ZMAT5: variants seen among roughly 807,000 people sequenced by gnomAD.
The protein encoded by ZMAT5 is zinc finger matrin-type protein 5.
In ZMAT5, 23 loss-of-function variants were observed where a neutral mutation model predicts 28.0. That is an observed-to-expected ratio of 0.82 (90% CI 0.59 to 1.16). The LOEUF (loss-of-function observed/expected upper bound fraction) is 1.16. Ranked by LOEUF, ZMAT5 falls within the 50% of genes most tolerant of loss-of-function variation. The pLI is 0.00. For missense variants in ZMAT5, 173 were observed against 212.7 expected, an observed-to-expected ratio of 0.81 and a Z score of 1.16; for synonymous variants, 76 against 84.1, an observed-to-expected ratio of 0.90 and a Z score of 0.52.
chr22:29,745,997 G>T (rs550009395), intron 2 of ZMAT5, among the ~76,000 whole-genome samples: 2 of 152,158 alleles, frequency 1.3e-5, no homozygotes, highest in East Asian at 3.9e-4. Context: ...TTTTGAGACA[G>T]GGTCCCGCTC....
chr22:29,755,176 TC>T (rs1296953921), intron 1 of ZMAT5, among the ~76,000 whole-genome samples: 1 of 151,638 alleles, frequency 6.6e-6, no homozygotes, highest in Non-Finnish European at 1.5e-5. Context: ...ACGCCTATAA[TC>T]CCAGCTGCTC....
intron 1 of ZMAT5, among the ~76,000 whole-genome samples, chr22:29,749,402 T>C (rs2061107626): frequency 6.6e-6 from 1 of 152,018 alleles, no homozygotes; most frequent in Non-Finnish European, 1.5e-5. Flanking sequence ...CACATTTGCA[T>C]CATATAGGCC....
rs1312036165 is a variant in ZMAT5 at position 29,742,474 on chromosome 22, G to A, written c.134C>T (p.Ala45Val). Residue 45 changes from alanine (A) to valine (V), a missense_variant, in exon 3 of 6, where the codon GCT becomes GTT. By Grantham distance (64) the Ala-to-Val change is moderately conservative. Transcript: ENST00000344318. The part of the protein sequence containing the change: ...KVWYDMFRDA[A>V]AILLDEQNKR... ...GTTCTGCTCATCCAGCAAGATGGCA[G>A]CTGCATCTGCGAGAGAAGAGAGGGA... 5 of 1,612,690 alleles carry A rather than the reference G, an allele frequency of 3.1e-6. No homozygotes were observed. The highest frequency in any genetic ancestry group is 4.2e-6 in the Non-Finnish European group (5 of 1,179,894).
chr22:29,738,870 G>A (rs1460653285), intron 4 of ZMAT5, among the ~76,000 whole-genome samples: 1 of 152,210 alleles, frequency 6.6e-6, no homozygotes, highest in Non-Finnish European at 1.5e-5. Flanking sequence ...AATTAGCCAT[G>A]TGTGGTGGTG....
In ZMAT5 at chr22:29,738,371, C is replaced by T. The variant is rs1230291113; in HGVS notation, c.342G>A (p.Leu114=). 2 of 1,609,854 alleles carry T rather than the reference C, an allele frequency of 1.2e-6. No individual in the cohort carries two copies. The highest frequency in any genetic ancestry group is 8.5e-7 in the Non-Finnish European group (1 of 1,179,648). Reference sequence around the variant, plus strand: ...AGCTCAGCCGCTTGGCTCTCTTCTCCAGCCAGTCCTCCAGATGGCCCTCGG... The same window carrying T: ...AGCTCAGCCGCTTGGCTCTCTTCTCTAGCCAGTCCTCCAGATGGCCCTCGG... The part of the protein sequence containing the change: ...ELPEGHLEDW[L]EKRAKRLSSA... Residue 114 remains leucine (L), a synonymous_variant, in exon 5 of 6, where the codon CTG becomes CTA. Transcript: ENST00000344318.
chr22:29,733,304 C>A (rs1317443865), intron 5 of ZMAT5, among the ~76,000 whole-genome samples: 1 of 152,192 alleles, frequency 6.6e-6, no homozygotes, highest in Non-Finnish European at 1.5e-5. Context: ...AGGGCTTGGG[C>A]CTGCGGAGAG....
intron 1 of ZMAT5, among the ~76,000 whole-genome samples, chr22:29,763,215 C>A (rs984895218): frequency 3.3e-5 from 5 of 151,718 alleles, no homozygotes; most frequent in African/African-American, 9.7e-5. Flanking sequence ...ATCACTTGAA[C>A]CCAGGAGGCA....
In ZMAT5 at chr22:29,740,852, C is replaced by A. The variant is rs867998408; in HGVS notation, c.191-122G>T. The A allele has an allele frequency of 3.3e-5, 27 of 830,532 alleles. No individual in the cohort carries two copies. The East Asian group carries it at 7.0e-4, about 21-fold the overall frequency. The allele number at this position is 830,532 out of a possible 1,614,324, so 51.4% of individuals were successfully genotyped here. On this transcript the variant is annotated intron_variant, in intron 3 of 5. Transcript: ENST00000344318. ...GACTTCAGGGCCTAAAGAATAGCAACCCTGATCCGGGACAGAAAATGGAAT... is the reference window on the plus strand; with the variant it reads ...GACTTCAGGGCCTAAAGAATAGCAAACCTGATCCGGGACAGAAAATGGAAT...
chr22:29,744,508 G>A (rs1350767419), intron 2 of ZMAT5, among the ~76,000 whole-genome samples: 2 of 151,936 alleles, frequency 1.3e-5, no homozygotes, highest in African/African-American at 2.4e-5. Context: ...TACCCAGCTG[G>A]TGCTACAGAC....
chr22:29,750,179 A>G (rs112629375), intron 1 of ZMAT5, among the ~76,000 whole-genome samples: 2,017 of 152,300 alleles, frequency 0.013, 45 homozygotes, highest in African/African-American at 0.044. Flanking sequence ...AAATGTATCA[A>G]TTCTCATTTT....
intron 2 of ZMAT5, among the ~76,000 whole-genome samples, chr22:29,743,397 T>G (rs1206771163): frequency 6.6e-6 from 1 of 152,090 alleles, no homozygotes; most frequent in Non-Finnish European, 1.5e-5. Context: ...ACTCTGATCC[T>G]AATCTTAACC....
intron 1 of ZMAT5, among the ~76,000 whole-genome samples, chr22:29,756,150 C>T (rs1171044128): frequency 6.6e-6 from 1 of 152,216 alleles, no homozygotes; most frequent in Non-Finnish European, 1.5e-5. Context: ...CCCTGAAGCT[C>T]ACCTGTTATT....
At chr22:29,733,469 C>T (rs2067873298) in intron 5 of ZMAT5, among the ~76,000 whole-genome samples, 1 of 152,238 alleles carries the variant, frequency 6.6e-6, no homozygotes, top group Non-Finnish European at 1.5e-5. Context: ...GGTGCAGCCT[C>T]CAGGACCCCC....
intron 5 of ZMAT5, among the ~76,000 whole-genome samples, chr22:29,737,646 A>G (rs904247900): frequency 3.5e-4 from 54 of 152,188 alleles, no homozygotes; most frequent in Non-Finnish European, 6.3e-4. Context: ...CAACTGCTGG[A>G]GGAAGAGCCC....
At chr22:29,753,483 C>T (rs1373073305) in intron 1 of ZMAT5, among the ~76,000 whole-genome samples, 3 of 152,062 alleles carry the variant, frequency 2.0e-5, no homozygotes, top group African/African-American at 7.2e-5. Context: ...AGAGATCGCA[C>T]CACTGCACCC....
intron 3 of ZMAT5, among the ~76,000 whole-genome samples, chr22:29,741,552 A>G (rs1018665515): frequency 6.6e-6 from 1 of 152,232 alleles, no homozygotes; most frequent in African/African-American, 2.4e-5. Context: ...CTCAAGGGCA[A>G]GCATGGAGGA....
At chr22:29,756,826 T>C (rs953829800) in intron 1 of ZMAT5, among the ~76,000 whole-genome samples, 1 of 152,064 alleles carries the variant, frequency 6.6e-6, no homozygotes, top group Admixed American at 6.6e-5. Context: ...CGCAGGTGGA[T>C]CACCTGAGGT....
At chr22:29,754,688 T>C (rs968839959) in intron 1 of ZMAT5, among the ~76,000 whole-genome samples, 1 of 151,824 alleles carries the variant, frequency 6.6e-6, no homozygotes, top group African/African-American at 2.4e-5. Context: ...CTGGACAACA[T>C]GGGCAGACCC....
chr22:29,746,807 G>T (rs1404214511), intron 2 of ZMAT5: 1 of 152,242 alleles, frequency 6.6e-6, no homozygotes, highest in Non-Finnish European at 1.5e-5. Flanking sequence ...GCTGTTGACA[G>T]CTGAGAATCT....
Sources: allele counts gnomAD v4.1 joint callset (sites outside exome capture counted in the v4.1 genomes callset), GRCh38; gene constraint gnomAD v4.1.1; transcripts MANE v1.5; gene names NCBI Gene and HGNC (gene_info 2026-07-23, HGNC 2026-07-21).